The following BCAR1 variants were observed in gnomAD, a reference collection of about 807,000 sequenced individuals.
The protein encoded by BCAR1 is BCAR1 scaffold protein, Cas family member, also known as breast cancer anti-estrogen resistance protein 1.
In BCAR1, 30 loss-of-function variants were observed where a neutral mutation model predicts 67.6. The ratio of observed to expected loss-of-function variants is 0.44; its 90% CI spans 0.33 to 0.60. The LOEUF (loss-of-function observed/expected upper bound fraction) is 0.60, where lower values mean the gene tolerates loss of function less well. Ranked by LOEUF, BCAR1 falls within the 20% of genes least tolerant of loss-of-function variation. BCAR1 has a pLI of 0.02. For synonymous variants in BCAR1, 626 were observed against 556.7 expected, an observed-to-expected ratio of 1.12 and a Z score of -1.75; for missense variants, 1,313 against 1,222.3, an observed-to-expected ratio of 1.07 and a Z score of -1.11.
intron 1 of BCAR1, among the ~76,000 whole-genome samples, chr16:75,243,651 A>C (rs892516425): frequency 5.3e-5 from 8 of 152,222 alleles, no homozygotes; most frequent in Non-Finnish European, 1.0e-4. Flanking sequence ...AAGAAACAGG[A>C]GGCACACCCT....
chr16:75,253,960 G>A (rs986281966), upstream of BCAR1, among the ~76,000 whole-genome samples: 4 of 138,332 alleles, frequency 2.9e-5, no homozygotes, highest in African/African-American at 1.1e-4. Flanking sequence ...CAGGCTCACC[G>A]TTAGCCCCAA....
intron 2 of BCAR1, 58 bp downstream of exon 2, chr16:75,242,412 C>A: frequency 7.5e-7 from 1 of 1,341,910 alleles, no homozygotes; most frequent in Non-Finnish European, 9.6e-7. Context: ...TCTGTGCCCA[C>A]AAACCAGGGC....
chr16:75,267,064 G>A (rs1276622017), intron 1 of BCAR1, among the ~76,000 whole-genome samples: 1 of 152,218 alleles, frequency 6.6e-6, no homozygotes, highest in Non-Finnish European at 1.5e-5. Context: ...GCTCCCAAAA[G>A]CCCCCAGTAG....
chr16:75,266,777 C>T (rs1381062270), intron 1 of BCAR1: 36 of 1,444,074 alleles, frequency 2.5e-5, no homozygotes, highest in Non-Finnish European at 3.3e-5. Flanking sequence ...GGTGGGTGAG[C>T]ATCTAGAGCA....
Position 75,243,133 on chromosome 16 carries a change from T to C in BCAR1, c.13-43A>G, listed in dbSNP as rs1197517562. 6 of 1,539,650 alleles carry C rather than the reference T, an allele frequency of 3.9e-6. No individual in the cohort carries two copies. In the Admixed American group the frequency reaches 5.8e-5, roughly 15 times the overall value. On this transcript the variant is annotated intron_variant, in intron 1 of 6. Transcript: ENST00000162330. ...AGGTGTGAGAACAGAAGGATGTGCA[T>C]GGGGCGTCAGGGGCTCCCCAGCTCC... is the stretch of plus-strand genomic sequence containing the variant.
chr16:75,249,209 A>T (rs1366537899), intron 1 of BCAR1: 1 of 152,370 alleles, frequency 6.6e-6, no homozygotes, highest in Non-Finnish European at 1.5e-5. Flanking sequence ...GTTTTGGCAG[A>T]GAGCTCGGTG....
Position 75,229,175 on chromosome 16 carries a change from AC to A in BCAR1, c.*335del, listed in dbSNP as rs1411909834. The A allele has an allele frequency of 3.6e-6, 1 of 279,020 alleles. No homozygotes were observed. Among genetic ancestry groups the A allele is most frequent in the Non-Finnish European group, 6.7e-6 (1 of 149,450 alleles). 17.3% of individuals were successfully genotyped at this position (279,020 alleles called of 1,614,324 possible). ...CACTGGCCCTGTCAGGGGACACGGC[AC>A]CCTCGTGGGACCAGGCTCAGCCCTC... On this transcript the variant is annotated 3_prime_UTR_variant, in exon 7 of 7. Transcript: ENST00000162330.
chr16:75,251,335 G>T, intron 1 of BCAR1, 136 bp downstream of exon 1: 1 of 1,232,958 alleles, frequency 8.1e-7, no homozygotes, highest in Non-Finnish European at 1.1e-6. Context: ...GGCAGAAGGA[G>T]ATCCCAGGGC....
intron 1 of BCAR1, chr16:75,263,349 T>C: frequency 1.0e-6 from 1 of 985,334 alleles, no homozygotes; most frequent in Non-Finnish European, 1.2e-6. Flanking sequence ...TCCTTCCAAA[T>C]GTGTCCTCTC....
rs781155003 is a variant in BCAR1 at position 75,235,568 on chromosome 16, AAGG to A, written c.1328_1330del (p.Ser443del). ...TTCCCGGCCCGGCCCTGCCACCTCC[AAGG>A]AGGACGCAGACTGGCTGCTGCGTGT... On this transcript the variant is annotated inframe_deletion, in exon 5 of 7. Coordinates refer to ENST00000162330, the MANE Select transcript of BCAR1 (RefSeq NM_014567.5). 1.4e-5 allele frequency: 23 copies of A among 1,596,754 alleles called. No homozygotes were observed. In the East Asian group the frequency reaches 5.0e-4, roughly 35 times the overall value.
At chr16:75,266,828 C>T (rs1207254601) in intron 1 of BCAR1, 5 of 1,308,528 alleles carry the variant, frequency 3.8e-6, no homozygotes, top group Admixed American at 3.0e-5. Flanking sequence ...GAGGTCAGCG[C>T]TGCCCACCCC....
intron 2 of BCAR1, chr16:75,238,288 C>T (rs377607853): frequency 1.3e-5 from 15 of 1,155,936 alleles, no homozygotes; most frequent in Non-Finnish European, 1.5e-5. Flanking sequence ...CTCCAGCCCC[C>T]GGGCACACTG....
At position 75,229,268 on chromosome 16, in the gene BCAR1, G is replaced by C. The variant is rs957344732; in HGVS notation, c.*243C>G. On this transcript the variant is annotated 3_prime_UTR_variant, in exon 7 of 7. Transcript: ENST00000162330. The stretch of plus-strand genomic sequence containing the variant: ...CCAGCCCCGTCTGGTGACCCAACCC[G>C]GGCCCGTGGTGCATGCTGGGGAAGG... The C allele has an allele frequency of 1.8e-6, 1 of 556,706 alleles. No individual in the cohort carries two copies. Among genetic ancestry groups the C allele is most frequent in the Non-Finnish European group, 3.0e-6 (1 of 338,582 alleles). 34.5% of individuals were successfully genotyped at this position (556,706 alleles called of 1,614,324 possible).
intron 6 of BCAR1, among the ~76,000 whole-genome samples, chr16:75,231,684 G>C (rs1045573843): frequency 6.6e-6 from 1 of 152,206 alleles, no homozygotes; most frequent in African/African-American, 2.4e-5. Flanking sequence ...TACGTGCAAA[G>C]ACTAGTATTC....
At position 75,259,721 on chromosome 16, in the gene BCAR1, A is replaced by G. The variant is rs147219166; in HGVS notation, c.66+8194T>C. ...CAAAAAATTAGCCGGGCATGGTGGC[A>G]GGCGCCTGTAATCCCAGCTATTTGG... On this transcript the variant is annotated intron_variant, in intron 1 of 6. Coordinates refer to the BCAR1 transcript ENST00000393422. Among the ~76,000 whole-genome samples, 1,189 of 151,330 alleles carry G rather than the reference A, an allele frequency of 7.9e-3. 10 individuals are homozygous for G. The highest frequency in any genetic ancestry group is 0.024 in the African/African-American group (971 of 41,188).
rs371886799 is a variant in BCAR1 at position 75,234,872 on chromosome 16, G to C, written c.2010+17C>G. 2.0e-6 allele frequency: 3 copies of C among 1,521,812 alleles called. No individual in the cohort carries two copies. The highest frequency in any genetic ancestry group is 2.1e-5 in the Admixed American group (1 of 46,850). The allele number at this position is 1,521,812 out of a possible 1,614,324, so 94.3% of individuals were successfully genotyped here. ...GCGTGGCAGAAGAGGAGCCGGGGCTGGGCAGGCGGCACCCACCTGTAGGTG... is the reference window on the plus strand; with the variant it reads ...GCGTGGCAGAAGAGGAGCCGGGGCTCGGCAGGCGGCACCCACCTGTAGGTG... On this transcript the variant is annotated intron_variant, in intron 5 of 6. Coordinates refer to ENST00000162330, the MANE Select transcript of BCAR1 (RefSeq NM_014567.5).
intron 1 of BCAR1, among the ~76,000 whole-genome samples, chr16:75,258,804 C>A (rs1024744596): frequency 6.6e-6 from 1 of 152,196 alleles, no homozygotes; most frequent in African/African-American, 2.4e-5. Context: ...AGGGAGTCTC[C>A]CTCTACCCTC....
intron 1 of BCAR1, chr16:75,265,763 G>T: frequency 8.4e-7 from 1 of 1,196,000 alleles, no homozygotes; most frequent in East Asian, 3.5e-5. Flanking sequence ...GCAGCGGGCG[G>T]GGCGAGGTCG....
intron 2 of BCAR1, among the ~76,000 whole-genome samples, chr16:75,241,182 C>G (rs529136429): frequency 2.0e-5 from 3 of 152,296 alleles, no homozygotes; most frequent in African/African-American, 7.2e-5. Flanking sequence ...TGTGTTTACA[C>G]ATATGGGGTT....
Sources: gnomAD v4.1 joint callset for allele counts (sites outside exome capture counted in the v4.1 genomes callset) on GRCh38, gnomAD v4.1.1 for gene constraint, MANE v1.5 for transcripts, NCBI Gene and HGNC (gene_info 2026-07-23, HGNC 2026-07-21) for gene names.